KLRG1: variants seen among roughly 807,000 people sequenced by gnomAD.
The protein encoded by KLRG1 is killer cell lectin-like receptor subfamily G member 1.
A neutral mutation model predicts 21.8 loss-of-function variants in KLRG1; 16 were observed. The ratio of observed to expected loss-of-function variants is 0.73; its 90% CI spans 0.50 to 1.11. KLRG1 has a LOEUF of 1.11. Among genes scored for constraint, KLRG1 ranks in the 50% most tolerant of loss-of-function variants. The probability of loss-of-function intolerance (pLI) is 0.00; values close to 1 mark genes in which losing one functional copy is unlikely to be tolerated. For synonymous variants in KLRG1, 69 were observed against 75.9 expected (o/e 0.91, Z 0.47); for missense variants, 173 against 218.3 (o/e 0.79, Z 1.31).
the KLRG1 span, among the ~76,000 whole-genome samples, chr12:9,180,829 A>G: frequency 6.6e-6 from 1 of 152,246 alleles, no homozygotes; most frequent in South Asian, 2.1e-4. Flanking sequence ...GAGCTTCTGC[A>G]CAGCAAAAGA....
At chr12:9,128,032 T>C in the KLRG1 span, 1 of 250,022 alleles carries the variant, frequency 4.0e-6, no homozygotes, top group Non-Finnish European at 8.2e-6. Context: ...CGAAGGAGCT[T>C]GGAGGCAGAC....
intron 4 of KLRG1, 99 bp from the exon 5 acceptor site, chr12:9,009,327 T>C (rs1291910380): frequency 4.1e-6 from 6 of 1,465,270 alleles, no homozygotes; most frequent in East Asian, 2.4e-5. Flanking sequence ...GGGGCCTGAA[T>C]AGGGAGACAG....
At chr12:9,197,695 T>TAA in the KLRG1 span, among the ~76,000 whole-genome samples, 1 of 91,430 alleles carries the variant, frequency 1.1e-5, no homozygotes, top group Non-Finnish European at 1.9e-5. Context: ...ATAATATATA[T>TAA]AATTATATAT....
At chr12:9,197,741 C>A in the KLRG1 span, among the ~76,000 whole-genome samples, 3 of 79,838 alleles carry the variant, frequency 3.8e-5, no homozygotes, top group African/African-American at 5.9e-5. Context: ...ATATATTATA[C>A]AATACATAAT....
chr12:9,168,978 GA>G, the KLRG1 span: 4 of 1,603,972 alleles, frequency 2.5e-6, no homozygotes, highest in African/African-American at 2.7e-5. Context: ...CCATCCCCTG[GA>G]AAAAAATAAT....
the KLRG1 span, chr12:9,167,483 G>C: frequency 4.6e-5 from 7 of 152,254 alleles, no homozygotes; most frequent in Non-Finnish European, 7.4e-5. Flanking sequence ...TCCCAGGCGA[G>C]GTCGCACAAT....
chr12:9,100,678 C>T, the KLRG1 span, among the ~76,000 whole-genome samples: 4 of 152,174 alleles, frequency 2.6e-5, no homozygotes, highest in African/African-American at 4.8e-5. Context: ...TTTTCCCTCC[C>T]TCAACTTTCT....
the KLRG1 span, chr12:9,168,533 T>C: frequency 4.8e-6 from 1 of 206,530 alleles, no homozygotes; most frequent in Non-Finnish European, 9.6e-6. Flanking sequence ...TCTTTATGTT[T>C]TTTAAAATAC....
chr12:9,071,431 A>AATAT, the KLRG1 span, among the ~76,000 whole-genome samples: 1 of 151,412 alleles, frequency 6.6e-6, no homozygotes, highest in Non-Finnish European at 1.5e-5. Context: ...AAATGAAAAA[A>AATAT]ATATATATAT....
the KLRG1 span, among the ~76,000 whole-genome samples, chr12:9,199,589 C>A: frequency 6.6e-6 from 1 of 151,956 alleles, no homozygotes; most frequent in Non-Finnish European, 1.5e-5. Flanking sequence ...CATGAGAAAA[C>A]AAACAGGCAG....
intron 1 of KLRG1, among the ~76,000 whole-genome samples, chr12:8,964,183 A>AT (rs1946426231): frequency 6.6e-6 from 1 of 152,084 alleles, no homozygotes; most frequent in African/African-American, 2.4e-5. Context: ...AGTGCTATAA[A>AT]TTTCCCTCTA....
chr12:9,092,932 A>C, the KLRG1 span, among the ~76,000 whole-genome samples: 1 of 152,250 alleles, frequency 6.6e-6, no homozygotes, highest in African/African-American at 2.4e-5. Flanking sequence ...CTTAAGTGGA[A>C]GAAGATCCTG....
chr12:9,196,553 T>C, the KLRG1 span: 1 of 1,582,858 alleles, frequency 6.3e-7, no homozygotes, highest in Non-Finnish European at 8.7e-7. Context: ...ATTTCCCATA[T>C]TCGTTCATTA....
At chr12:9,082,874 A>T in the KLRG1 span, among the ~76,000 whole-genome samples, 1 of 152,376 alleles carries the variant, frequency 6.6e-6, no homozygotes, top group African/African-American at 2.4e-5. Context: ...GTGCCACAAT[A>T]AACATATGTG....
At chr12:9,070,413 A>G in the KLRG1 span, 7 of 950,154 alleles carry the variant, frequency 7.4e-6, no homozygotes, top group Non-Finnish European at 1.2e-5. Context: ...GTATTTTGAT[A>G]TTAGTATTGT....
intron 1 of KLRG1, among the ~76,000 whole-genome samples, chr12:8,967,408 T>C (rs1027490803): frequency 6.6e-6 from 1 of 152,178 alleles, no homozygotes; most frequent in Non-Finnish European, 1.5e-5. Context: ...CTGTTTTAAT[T>C]TTTAAAGATA....
the KLRG1 span, chr12:9,168,611 T>C: frequency 5.8e-6 from 2 of 344,988 alleles, no homozygotes; most frequent in African/African-American, 4.2e-5. Flanking sequence ...TGTCAGCATT[T>C]TCCCTCTCTT....
At chr12:9,107,391 TGAAAAA>T in the KLRG1 span, 1 of 1,132,674 alleles carries the variant, frequency 8.8e-7, no homozygotes, top group Non-Finnish European at 1.2e-6. Context: ...TGATTTTTTT[TGAAAAA>T]TTACAATAGC....
the KLRG1 span, chr12:9,076,629 A>C: frequency 1.2e-5 from 10 of 814,468 alleles, no homozygotes; most frequent in East Asian, 2.7e-4. Flanking sequence ...ATATGGACAA[A>C]ATATATATGA....
Sources: allele counts gnomAD v4.1 joint callset (sites outside exome capture counted in the v4.1 genomes callset), GRCh38; gene constraint gnomAD v4.1.1; transcripts MANE v1.5; gene names NCBI Gene and HGNC (gene_info 2026-07-23, HGNC 2026-07-21).